FHIP2B: variants seen among roughly 807,000 people sequenced by gnomAD.
FHIP2B encodes the protein FHF complex subunit HOOK interacting protein 2B, also known as FHF complex subunit HOOK-interacting protein 2B.
Under a neutral mutation model 84.0 loss-of-function variants are expected in FHIP2B, and 72 were observed. That is an observed-to-expected ratio of 0.86 (90% CI 0.71 to 1.04). The LOEUF is 1.04. Among genes scored for constraint, FHIP2B ranks in the 50% least tolerant of loss-of-function variants. The probability of loss-of-function intolerance (pLI) is 0.00; values close to 1 mark genes in which losing one functional copy is unlikely to be tolerated. For synonymous variants in FHIP2B, 497 were observed against 418.7 expected, an observed-to-expected ratio of 1.19 and a Z score of -2.28; for missense variants, 972 against 968.9, an observed-to-expected ratio of 1.00 and a Z score of -0.04.
intron 9 of FHIP2B, 57 bp from the exon 10 acceptor site, chr8:22,099,644 ACCC>A: frequency 6.7e-7 from 1 of 1,500,252 alleles, no homozygotes; most frequent in South Asian, 1.3e-5. Flanking sequence ...GGGTTCGGCC[ACCC>A]GCACTCATGT....
At position 22,098,192 on chromosome 8, in the gene FHIP2B, G is replaced by A. The variant is rs375766097; in HGVS notation, c.650G>A (p.Gly217Glu). The stretch of plus-strand genomic sequence containing the variant: ...GCTCCTGCCAGGCCCCAGCTGGACG[G>A]GGAGTCCTGTGGGGCCCAGGCCTTG... ...DGAPARPQLD[G>E]ESCGAQALNS... Residue 217 changes from glycine (G) to glutamate (E), a missense_variant, in exon 6 of 17, where the codon GGG becomes GAG. Coordinates refer to ENST00000289921, the MANE Select transcript of FHIP2B (RefSeq NM_022749.7). 6.3e-7 allele frequency: 1 copy of A among 1,578,700 alleles called. No individual in the cohort carries two copies. Among genetic ancestry groups the A allele is most frequent in the Non-Finnish European group, 8.6e-7 (1 of 1,162,944 alleles).
Position 22,090,837 on chromosome 8 carries a change from C to T in FHIP2B, c.45+1539C>T, listed in dbSNP as rs1825451834. ...ACAGGGTTTCAACATGTTGCCCAGG[C>T]TGGTCTTGAGCTCCTGGCCTCAAGC... is the stretch of plus-strand genomic sequence containing the variant. On this transcript the variant is annotated intron_variant, in intron 1 of 16. Coordinates refer to ENST00000289921, the MANE Select transcript of FHIP2B (RefSeq NM_022749.7). Among the ~76,000 whole-genome samples the T allele has an allele frequency of 1.3e-5, 2 of 152,082 alleles. 1 individual carries two copies. The highest frequency in any genetic ancestry group is 2.9e-5 in the Non-Finnish European group (2 of 68,014).
In FHIP2B at chr8:22,103,274, A is replaced by T. The variant is rs1174783154; in HGVS notation, c.*343A>T. ...GTGGCCAGGGCCAAGCCTGTGACTC[A>T]ACTCCAGGGGCAAGATGGGGAGTGA... On this transcript the variant is annotated 3_prime_UTR_variant, in exon 17 of 17. Coordinates refer to ENST00000289921, the MANE Select transcript of FHIP2B (RefSeq NM_022749.7). The T allele has an allele frequency of 4.0e-6, 1 of 248,154 alleles. No homozygotes were observed. The highest frequency in any genetic ancestry group is 7.8e-6 in the Non-Finnish European group (1 of 128,330). The allele number at this position is 248,154 out of a possible 1,614,324, so 15.4% of individuals were successfully genotyped here.
chr8:22,094,906 C>CT, intron 2 of FHIP2B: 1 of 1,077,796 alleles, frequency 9.3e-7, no homozygotes, highest in Non-Finnish European at 1.1e-6. Context: ...ATAAATTCCC[C>CT]TTTCCCCTGA....
intron 1 of FHIP2B, among the ~76,000 whole-genome samples, chr8:22,092,910 A>T (rs1315576741): frequency 6.6e-5 from 10 of 152,132 alleles, no homozygotes; most frequent in Admixed American, 6.5e-4. Flanking sequence ...TAGCTTCGTT[A>T]TTCAATGCGG....
intron 7 of FHIP2B, 87 bp from the exon 8 acceptor site, chr8:22,098,861 G>C: frequency 2.5e-6 from 3 of 1,198,856 alleles, no homozygotes; most frequent in Non-Finnish European, 3.6e-6. Flanking sequence ...CCACAGGAGA[G>C]GGGAAGGGCC....
intron 15 of FHIP2B, 73 bp downstream of exon 15, chr8:22,102,388 G>A (rs1335822632): frequency 1.7e-5 from 26 of 1,541,860 alleles, no homozygotes; most frequent in Non-Finnish European, 2.3e-5. Flanking sequence ...AACGGGGCAG[G>A]TGGTTGGGGG....
chr8:22,099,458 C>A, intron 9 of FHIP2B, 98 bp downstream of exon 9: 2 of 1,326,572 alleles, frequency 1.5e-6, no homozygotes, highest in South Asian at 1.3e-5. Context: ...CCTTCTTGAC[C>A]AGAATCCCAT....
chr8:22,096,270 G>A (rs2131699910), intron 2 of FHIP2B, 67 bp from the exon 3 acceptor site: 1 of 1,430,168 alleles, frequency 7.0e-7, no homozygotes, highest in East Asian at 2.6e-5. Flanking sequence ...TGGCAGGAGA[G>A]GGTGAAGTTT....
At chr8:22,096,536 A>G (rs751646825) in intron 3 of FHIP2B, 27 bp downstream of exon 3, 3 of 1,493,156 alleles carry the variant, frequency 2.0e-6, no homozygotes, top group Non-Finnish European at 2.7e-6. Context: ...GCGCTGGGCC[A>G]GGCCGAGGTG....
chr8:22,096,482 G>T lies in FHIP2B; in HGVS notation c.270G>T (p.Glu90Asp). 6.4e-7 allele frequency: 1 copy of T among 1,552,918 alleles called. No homozygotes were observed. Among genetic ancestry groups the T allele is most frequent in the South Asian group, 1.2e-5 (1 of 83,298 alleles). Residue 90 changes from glutamate to aspartate, a missense_variant, in exon 3 of 17, where the codon GAG (glutamate) becomes GAT (aspartate). Physicochemically the swap from Glu to Asp is conservative, Grantham distance 45. Coordinates refer to ENST00000289921, the MANE Select transcript of FHIP2B (RefSeq NM_022749.7). ...ACCTGCTGCAGCACAAGATCCTGGAGACTCTCTGCACGCTGGGCAAGGCCG... is the reference window on the plus strand; with the variant it reads ...ACCTGCTGCAGCACAAGATCCTGGATACTCTCTGCACGCTGGGCAAGGCCG... ...LEYLLQHKIL[E>D]TLCTLGKAEY...
intron 1 of FHIP2B, among the ~76,000 whole-genome samples, chr8:22,090,847 G>A (rs372334451): frequency 2.2e-4 from 33 of 152,064 alleles, no homozygotes; most frequent in African/African-American, 8.0e-4. Flanking sequence ...CTGGTCTTGA[G>A]CTCCTGGCCT....
rs773503897 is a variant in FHIP2B, at chr8:22,096,493, C to T, written c.281C>T (p.Thr94Met). ...CACAAGATCCTGGAGACTCTCTGCA[C>T]GCTGGGCAAGGCCGAGGTGGGAGGC... ...LQHKILETLC[T>M]LGKAEYPPGM... Residue 94 changes from threonine (T) to methionine (M), a missense_variant, in exon 3 of 17, where the codon ACG (threonine) becomes ATG (methionine). Physicochemically the swap from Thr to Met is moderately conservative, Grantham distance 81. Coordinates refer to ENST00000289921, the MANE Select transcript of FHIP2B (RefSeq NM_022749.7). 6.0e-5 allele frequency: 92 copies of T among 1,544,322 alleles called. No individual in the cohort carries two copies. The highest frequency in any genetic ancestry group is 5.0e-4 in the South Asian group (41 of 82,404).
chr8:22,096,326 A>T lies in FHIP2B; in HGVS notation c.125-11A>T, dbSNP rs1228112996. The T allele has an allele frequency of 3.2e-6, 5 of 1,540,408 alleles. No homozygotes were observed. The highest frequency in any genetic ancestry group is 4.4e-6 in the Non-Finnish European group (5 of 1,140,148). ...TTACCCTACTCACCCTTGTTTCCCA[A>T]ACATCATTAGATGAAAGCACCCCCG... On this transcript the variant is annotated splice_polypyrimidine_tract_variant and intron_variant, in intron 2 of 16. Coordinates refer to ENST00000289921, the MANE Select transcript of FHIP2B (RefSeq NM_022749.7).
intron 12 of FHIP2B, chr8:22,101,174 C>A: frequency 1.5e-6 from 1 of 679,888 alleles, no homozygotes; most frequent in Non-Finnish European, 2.4e-6. Context: ...AGACATGCAC[C>A]ACCACACCCA....
At chr8:22,101,148 G>A (rs769793607) in intron 12 of FHIP2B, 176 bp downstream of exon 12, 8 of 776,474 alleles carry the variant, frequency 1.0e-5, no homozygotes, top group African/African-American at 3.5e-5. Context: ...TCAGCCTCCC[G>A]AGTACCTGGG....
At position 22,101,517 on chromosome 8, in the gene FHIP2B, A is replaced by G; in HGVS notation, c.1694A>G (p.Asp565Gly). ...EETGYDTYVH[D>G]AYGLFQECSS... ...ACAGGCTATGACACATACGTCCACG[A>G]TGCTTATGGCCTGGTGAGTGGCTCC... is the stretch of plus-strand genomic sequence containing the variant. The change falls in exon 13 of 17, where the codon GAT (aspartate) becomes GGT (glycine). Residue 565 changes from aspartate (D) to glycine (G), a missense_variant. Coordinates refer to ENST00000289921, the MANE Select transcript of FHIP2B (RefSeq NM_022749.7). 6.2e-7 allele frequency: 1 copy of G among 1,612,326 alleles called. No individual in the cohort carries two copies. The highest frequency in any genetic ancestry group is 8.5e-7 in the Non-Finnish European group (1 of 1,178,876).
At chr8:22,093,708 C>CTTTTTT (rs59841460) in intron 1 of FHIP2B, among the ~76,000 whole-genome samples, 19,600 of 66,244 alleles carry the variant, frequency 0.3, 6,646 homozygotes, top group Admixed American at 0.39. Flanking sequence ...AAAGCTTTGT[C>CTTTTTT]TTTTTTTTTT....
At chr8:22,099,144 A>T (rs1307340094) in intron 8 of FHIP2B, 88 bp downstream of exon 8, 1 of 1,496,160 alleles carries the variant, frequency 6.7e-7, no homozygotes, top group East Asian at 2.4e-5. Flanking sequence ...GGACATGGAA[A>T]CATGGGGTCC....
Sources: allele counts gnomAD v4.1 joint callset (sites outside exome capture counted in the v4.1 genomes callset), GRCh38; gene constraint gnomAD v4.1.1; transcripts MANE v1.5; gene names NCBI Gene and HGNC (gene_info 2026-07-23, HGNC 2026-07-21).